KALRN: variants seen among roughly 807,000 people sequenced by gnomAD.
KALRN encodes kalirin RhoGEF kinase.
In KALRN, 70 loss-of-function variants were observed where a neutral mutation model predicts 353.7. The ratio of observed to expected loss-of-function variants is 0.20; its 90% CI spans 0.16 to 0.24. KALRN has a LOEUF of 0.24. KALRN is among the 10% of genes least tolerant of loss of function. The pLI, the probability that KALRN is intolerant of heterozygous loss-of-function variation, is 1.00. For synonymous variants in KALRN, 1,391 were observed against 1,434.8 expected, an observed-to-expected ratio of 0.97 and a Z score of 0.69; for missense variants, 2,791 against 3,756.7, an observed-to-expected ratio of 0.74 and a Z score of 6.72.
At chr3:124,293,086 C>T (rs1444746) in intron 5 of KALRN, among the ~76,000 whole-genome samples, 80,115 of 152,048 alleles carry the variant, frequency 0.53, 21,714 homozygotes, top group East Asian at 0.67. Context: ...AAGGTTCACC[C>T]GCAAGGAGGT....
At chr3:124,220,213 T>G (rs6785436) in intron 1 of KALRN, among the ~76,000 whole-genome samples, 142,370 of 152,230 alleles carry the variant, frequency 0.94, 67,330 homozygotes, top group East Asian at 1. Flanking sequence ...AAAGTGCTGG[T>G]ATTACAGGTG....
At chr3:124,091,193 G>T (rs1014111599) in intron 1 of KALRN, among the ~76,000 whole-genome samples, 3 of 152,266 alleles carry the variant, frequency 2.0e-5, no homozygotes, top group African/African-American at 7.2e-5. Flanking sequence ...TACAACTGAA[G>T]CACAGCTTGC....
At chr3:124,218,432 A>C (rs1278928676) in intron 1 of KALRN, among the ~76,000 whole-genome samples, 1 of 152,204 alleles carries the variant, frequency 6.6e-6, no homozygotes, top group Non-Finnish European at 1.5e-5. Flanking sequence ...ATAATAGCAA[A>C]TACACAGCTA....
At chr3:124,219,099 G>A (rs149836238) in intron 1 of KALRN, among the ~76,000 whole-genome samples, 3 of 152,336 alleles carry the variant, frequency 2.0e-5, no homozygotes, top group South Asian at 2.1e-4. Flanking sequence ...CACTTTTTAC[G>A]TAGAAGGTGT....
chr3:124,493,341 G>T (rs1393970904), intron 32 of KALRN, among the ~76,000 whole-genome samples: 1 of 152,150 alleles, frequency 6.6e-6, no homozygotes, highest in Non-Finnish European at 1.5e-5. Flanking sequence ...TTCATTGCAG[G>T]TCTTACTGCA....
intron 38 of KALRN, among the ~76,000 whole-genome samples, chr3:124,654,150 T>C (rs1037311880): frequency 6.6e-6 from 1 of 152,258 alleles, no homozygotes; most frequent in Non-Finnish European, 1.5e-5. Context: ...CTTTTGCCAC[T>C]TTCTACCAGG....
intron 45 of KALRN, among the ~76,000 whole-genome samples, chr3:124,665,211 G>C (rs2085462782): frequency 6.6e-6 from 1 of 152,166 alleles, no homozygotes; most frequent in Non-Finnish European, 1.5e-5. Context: ...CATTTCAGAG[G>C]AGGCCCTCTG....
chr3:124,322,593 A>T (rs2079452497), intron 6 of KALRN, among the ~76,000 whole-genome samples: 1 of 152,224 alleles, frequency 6.6e-6, no homozygotes, highest in South Asian at 2.1e-4. Flanking sequence ...CCAAGGACAA[A>T]CATAACTCCC....
intron 23 of KALRN, among the ~76,000 whole-genome samples, chr3:124,458,448 A>G (rs1454637724): frequency 2.0e-5 from 3 of 151,838 alleles, no homozygotes; most frequent in Non-Finnish European, 4.4e-5. Context: ...TACAGCCCCC[A>G]CTGTCATTGG....
intron 34 of KALRN, among the ~76,000 whole-genome samples, chr3:124,628,013 T>C (rs2080158303): frequency 6.6e-6 from 1 of 152,146 alleles, no homozygotes; most frequent in African/African-American, 2.4e-5. Context: ...ACTCAAGCAA[T>C]ATCCAAGAAA....
At chr3:124,259,401 G>C (rs1403997199) in intron 3 of KALRN, among the ~76,000 whole-genome samples, 2 of 152,148 alleles carry the variant, frequency 1.3e-5, no homozygotes, top group Non-Finnish European at 2.9e-5. Context: ...GTTAGTAAAG[G>C]GACCCTGGGT....
chr3:124,158,789 A>G (rs2069429957), intron 1 of KALRN, among the ~76,000 whole-genome samples: 1 of 152,184 alleles, frequency 6.6e-6, no homozygotes, highest in Non-Finnish European at 1.5e-5. Flanking sequence ...GGCCACTGAC[A>G]GTGGAGAAAT....
intron 3 of KALRN, among the ~76,000 whole-genome samples, chr3:124,242,022 G>A (rs1163282983): frequency 2.0e-5 from 3 of 152,162 alleles, no homozygotes; most frequent in African/African-American, 7.2e-5. Flanking sequence ...AGGGCAGAGA[G>A]GCATGTAGAA....
chr3:124,047,306 GTT>G (rs1244649177), intron 1 of KALRN, among the ~76,000 whole-genome samples: 1 of 152,132 alleles, frequency 6.6e-6, no homozygotes, highest in African/African-American at 2.4e-5. Flanking sequence ...TCCCTGAAAA[GTT>G]TATAGTCTTG....
chr3:124,202,784 C>G (rs571782387), intron 1 of KALRN, among the ~76,000 whole-genome samples: 1 of 152,276 alleles, frequency 6.6e-6, no homozygotes, highest in Admixed American at 6.5e-5. Context: ...CAAGACACAC[C>G]TCTTCCCCTC....
chr3:124,706,559 C>T (rs1367689652), intron 57 of KALRN, among the ~76,000 whole-genome samples: 27 of 148,924 alleles, frequency 1.8e-4, no homozygotes, highest in Admixed American at 1.8e-3. Context: ...AGCTTCTAAA[C>T]ATCTTTTTTC....
chr3:124,156,730 A>G (rs1270940862), intron 1 of KALRN, among the ~76,000 whole-genome samples: 1 of 152,180 alleles, frequency 6.6e-6, no homozygotes, highest in African/African-American at 2.4e-5. Flanking sequence ...AATGCCATCC[A>G]TGTGTTGGGG....
chr3:124,591,937 A>G (rs1288534659), intron 34 of KALRN, among the ~76,000 whole-genome samples: 1 of 152,200 alleles, frequency 6.6e-6, no homozygotes, highest in Non-Finnish European at 1.5e-5. Context: ...TAATTAGACC[A>G]ATAAAAAACC....
At chr3:124,117,526 G>A (rs2063566927) in intron 1 of KALRN, among the ~76,000 whole-genome samples, 1 of 151,990 alleles carries the variant, frequency 6.6e-6, no homozygotes, top group African/African-American at 2.4e-5. Flanking sequence ...CATTCCTTTT[G>A]GCTAATATCA....
Sources: gnomAD v4.1 joint callset for allele counts (sites outside exome capture counted in the v4.1 genomes callset) on GRCh38, gnomAD v4.1.1 for gene constraint, MANE v1.5 for transcripts, NCBI Gene and HGNC (gene_info 2026-07-23, HGNC 2026-07-21) for gene names.